The following AGFG1 variants were observed in gnomAD, a reference collection of about 807,000 sequenced individuals.
AGFG1 encodes the protein arf-GAP domain and FG repeat-containing protein 1.
AGFG1 carries 10 observed loss-of-function variants against 60.6 expected under a neutral mutation model. The ratio of observed to expected loss-of-function variants is 0.16; its 90% confidence interval spans 0.10 to 0.28. The LOEUF (loss-of-function observed/expected upper bound fraction) is 0.28. Ranked by LOEUF, AGFG1 falls within the 10% of genes least tolerant of loss-of-function variation. The probability of loss-of-function intolerance (pLI) is 1.00; values close to 1 mark genes in which losing one functional copy is unlikely to be tolerated. For synonymous variants in AGFG1, 247 were observed against 242.9 expected, an observed-to-expected ratio of 1.02 and a Z score of -0.16; for missense variants, 537 against 676.5, an observed-to-expected ratio of 0.79 and a Z score of 2.29.
intron 10 of AGFG1, among the ~76,000 whole-genome samples, chr2:227,545,544 CT>C (rs887480437): frequency 6.6e-6 from 1 of 152,214 alleles, no homozygotes; most frequent in Non-Finnish European, 1.5e-5. Flanking sequence ...AAGAGGCACT[CT>C]GGTTTTTAGA....
At chr2:227,519,882 T>TC (rs1434901365) in intron 2 of AGFG1, 66 bp from the exon 3 acceptor site, 2 of 863,888 alleles carry the variant, frequency 2.3e-6, no homozygotes, top group Admixed American at 2.6e-5. Flanking sequence ...AATCATAGTA[T>TC]CCCCTTAAAA....
At chr2:227,529,320 TC>T (rs1692093544) in intron 5 of AGFG1, among the ~76,000 whole-genome samples, 1 of 152,180 alleles carries the variant, frequency 6.6e-6, no homozygotes, top group Non-Finnish European at 1.5e-5. Flanking sequence ...TTTCTTCTCA[TC>T]CTGATATTCT....
Position 227,561,024 on chromosome 2 carries a change from A to G in AGFG1, c.*6529A>G, listed in dbSNP as rs1400777541. ...CAGGGCATGTTTGGAAAATGTTAAT[A>G]CGCCATGATTTTTGAAGACCAATTT... On this transcript the variant is annotated 3_prime_UTR_variant, in exon 13 of 13. Transcript: ENST00000310078. 6.6e-6 allele frequency: 1 copy of G among 152,178 alleles called. No individual in the cohort carries two copies. Among genetic ancestry groups the G allele is most frequent in the African/African-American group, 2.4e-5 (1 of 41,470 alleles). 9.4% of individuals were successfully genotyped at this position (152,178 alleles called of 1,614,324 possible). A position where few individuals can be genotyped will look rare whatever the true frequency, so the allele number is the denominator to read the frequency against.
At chr2:227,533,938 C>T (rs536071720) in intron 7 of AGFG1, among the ~76,000 whole-genome samples, 180 bp downstream of exon 7, 2 of 152,260 alleles carry the variant, frequency 1.3e-5, no homozygotes, top group Non-Finnish European at 2.9e-5. Flanking sequence ...ATATCAACTA[C>T]AAAACTGAAG....
chr2:227,551,114 A>G (rs910662729), intron 10 of AGFG1, among the ~76,000 whole-genome samples: 1 of 152,242 alleles, frequency 6.6e-6, no homozygotes, highest in Non-Finnish European at 1.5e-5. Context: ...TACTCTGTCC[A>G]CCAAGTAATA....
At chr2:227,498,540 A>G (rs1373118279) in intron 2 of AGFG1, among the ~76,000 whole-genome samples, 1 of 152,236 alleles carries the variant, frequency 6.6e-6, no homozygotes, top group Non-Finnish European at 1.5e-5. Context: ...AAAGGAAGGT[A>G]TGGTGCTATG....
chr2:227,551,093 C>CCT (rs1692805351), intron 10 of AGFG1, among the ~76,000 whole-genome samples: 1 of 152,146 alleles, frequency 6.6e-6, no homozygotes, highest in Non-Finnish European at 1.5e-5. Flanking sequence ...ACATTTCTCC[C>CCT]GATGTGGTAA....
chr2:227,542,319 TTTTGAGGTATGTTCCATCAA>T (rs1179379830), intron 10 of AGFG1, among the ~76,000 whole-genome samples: 2 of 152,230 alleles, frequency 1.3e-5, no homozygotes, highest in East Asian at 3.8e-4. Flanking sequence ...GCTCTTATTA[TTTTGAGGTATGTTCCATCAA>T]TACCTAGTTT....
At chr2:227,501,736 A>G (rs1422372865) in intron 2 of AGFG1, among the ~76,000 whole-genome samples, 1 of 151,788 alleles carries the variant, frequency 6.6e-6, no homozygotes, top group Non-Finnish European at 1.5e-5. Flanking sequence ...GGCATACACC[A>G]CCACGCGTGG....
intron 5 of AGFG1, among the ~76,000 whole-genome samples, chr2:227,529,164 A>C (rs1487595059): frequency 6.6e-6 from 1 of 152,154 alleles, no homozygotes; most frequent in Admixed American, 6.5e-5. Context: ...ACTATGGTTG[A>C]TACCATCTTT....
At chr2:227,479,046 ACT>A (rs1177741128) in intron 1 of AGFG1, among the ~76,000 whole-genome samples, 1 of 152,178 alleles carries the variant, frequency 6.6e-6, no homozygotes, top group Non-Finnish European at 1.5e-5. Context: ...CATAAAACTC[ACT>A]CTCTCCTGAG....
intron 1 of AGFG1, among the ~76,000 whole-genome samples, chr2:227,474,499 A>G (rs1007023493): frequency 6.6e-6 from 1 of 152,226 alleles, no homozygotes; most frequent in African/African-American, 2.4e-5. Flanking sequence ...ACAATTATTT[A>G]TCTTAATGGA....
At chr2:227,500,772 TTTAAA>T (rs898262641) in intron 2 of AGFG1, among the ~76,000 whole-genome samples, 9 of 152,064 alleles carry the variant, frequency 5.9e-5, no homozygotes, top group South Asian at 2.1e-4. Context: ...CTTTTTTATT[TTTAAA>T]TTAAATTAAA....
chr2:227,506,524 C>T (rs1270950544), intron 2 of AGFG1, among the ~76,000 whole-genome samples: 2 of 146,000 alleles, frequency 1.4e-5, no homozygotes, highest in African/African-American at 5.1e-5. Flanking sequence ...TGAGTTTTAG[C>T]AGCCCTGCAT....
At chr2:227,547,937 A>C (rs2106239738) in intron 10 of AGFG1, among the ~76,000 whole-genome samples, 1 of 152,382 alleles carries the variant, frequency 6.6e-6, no homozygotes, top group South Asian at 2.1e-4. Context: ...AAGTAGAAAC[A>C]ACCCAAGTGC....
In AGFG1 at chr2:227,560,502, A is replaced by G. The variant is rs1034216293; in HGVS notation, c.*6007A>G. ...TTAAACTGTTAAGACAGTCCATTGA[A>G]AGATTGTGGAAGTTCACATCTATTT... On this transcript the variant is annotated 3_prime_UTR_variant, in exon 13 of 13. Coordinates refer to ENST00000310078, the MANE Select transcript of AGFG1 (RefSeq NM_004504.5). 3 of 152,116 alleles carry G rather than the reference A, an allele frequency of 2.0e-5. No individual in the cohort carries two copies. Among genetic ancestry groups the G allele is most frequent in the Non-Finnish European group, 4.4e-5 (3 of 67,958 alleles). The allele number at this position is 152,116 out of a possible 1,614,324, so 9.4% of individuals were successfully genotyped here. A position where few individuals can be genotyped will look rare whatever the true frequency, so the allele number is the denominator to read the frequency against.
rs779551404 is a variant in AGFG1 at position 227,533,650 on chromosome 2, C to A, written c.916C>A (p.Gln306Lys). 2.5e-6 allele frequency: 4 copies of A among 1,613,842 alleles called. No homozygotes were observed. Among genetic ancestry groups the A allele is most frequent in the Non-Finnish European group, 3.4e-6 (4 of 1,179,798 alleles). The change falls in exon 7 of 13, where the codon CAA becomes AAA. Residue 306 changes from glutamine to lysine, a missense_variant. By Grantham distance (53) the Gln-to-Lys change is moderately conservative (BLOSUM62 1). Around this residue, in one of 4 missense-constraint regions of AGFG1, gnomAD observed 287 missense variants for 343.6 expected, o/e 0.84. Transcript: ENST00000310078. ...AACCTTCAATACTTCCCAGAGTCAT[C>A]AAACAGCATCAGCTGTTAGTAAAGT... ...FGTFNTSQSH[Q>K]TASAVSKVST...
chr2:227,502,986 A>C (rs1371628843), intron 2 of AGFG1, among the ~76,000 whole-genome samples: 1 of 152,100 alleles, frequency 6.6e-6, no homozygotes, highest in Non-Finnish European at 1.5e-5. Flanking sequence ...TAATCCTAGC[A>C]CTTTGGGAGG....
intron 2 of AGFG1, among the ~76,000 whole-genome samples, chr2:227,502,621 C>G (rs557058495): frequency 1.3e-5 from 2 of 152,082 alleles, no homozygotes; most frequent in African/African-American, 4.8e-5. Flanking sequence ...ATGCCTGGCC[C>G]TCATTTATTT....
Sources: gnomAD v4.1 joint callset for allele counts (sites outside exome capture counted in the v4.1 genomes callset) on GRCh38, gnomAD v4.1.1 for gene constraint, gnomAD v4.1.1 regional missense constraint, MANE v1.5 for transcripts, NCBI Gene and HGNC (gene_info 2026-07-23, HGNC 2026-07-21) for gene names.